Variants in MACROD2 observed in about 807,000 individuals in gnomAD.
MACROD2 encodes ADP-ribose glycohydrolase MACROD2.
A neutral mutation model predicts 70.4 loss-of-function variants in MACROD2; 36 were observed. The observed-to-expected ratio is 0.51, with a 90% CI of 0.39 to 0.68. MACROD2 has a LOEUF of 0.68. Ranked by LOEUF, MACROD2 falls within the 30% of genes least tolerant of loss-of-function variation. MACROD2 has a pLI of 0.00. For synonymous variants in MACROD2, 172 were observed against 178.8 expected, an observed-to-expected ratio of 0.96 and a Z score of 0.30; for missense variants, 496 against 538.4, an observed-to-expected ratio of 0.92 and a Z score of 0.78.
chr20:14,596,720 T>C (rs186528674), intron 4 of MACROD2, among the ~76,000 whole-genome samples: 196 of 152,248 alleles, frequency 1.3e-3, no homozygotes, highest in African/African-American at 4.5e-3. Flanking sequence ...TTCCTTGATA[T>C]TACACCTGCT....
At position 15,986,782 on chromosome 20, in the gene MACROD2, C is replaced by CGA; in HGVS notation, c.1041_1042insGA (p.Ser348AspfsTer17). On this transcript the variant is annotated frameshift_variant, in exon 14 of 18. Coordinates refer to ENST00000684519, the MANE Select transcript of MACROD2 (RefSeq NM_001351661.2). LOFTEE classifies it high-confidence loss of function. The stretch of plus-strand genomic sequence containing the variant: ...TAAAAATTGAAACAGAATCGCAGAG[C>CGA]TCATATATGGAAACAGAAGGTACTG... 1 of 1,612,818 alleles carries CGA rather than the reference C, an allele frequency of 6.2e-7. No individual in the cohort carries two copies. The highest frequency in any genetic ancestry group is 1.7e-5 in the Admixed American group (1 of 59,978).
intron 5 of MACROD2, among the ~76,000 whole-genome samples, chr20:14,995,667 T>C (rs923575751): frequency 6.6e-6 from 1 of 151,866 alleles, no homozygotes; most frequent in Admixed American, 6.6e-5. Flanking sequence ...AGCTAAATAT[T>C]GACAAAACGT....
intron 5 of MACROD2, among the ~76,000 whole-genome samples, chr20:15,001,865 C>T (rs1194611302): frequency 6.6e-6 from 1 of 152,046 alleles, no homozygotes; most frequent in Admixed American, 6.6e-5. Context: ...CACTCCCTCT[C>T]ATCCTTTCCC....
intron 8 of MACROD2, among the ~76,000 whole-genome samples, chr20:15,861,453 T>C (rs1321117427): frequency 1.3e-5 from 2 of 152,188 alleles, no homozygotes; most frequent in African/African-American, 4.8e-5. Context: ...GACACGAAAG[T>C]GAACACAAGA....
intron 8 of MACROD2, among the ~76,000 whole-genome samples, chr20:15,779,056 A>G (rs2051784712): frequency 6.6e-6 from 1 of 152,094 alleles, no homozygotes; most frequent in Admixed American, 6.5e-5. Context: ...ACAGAGACTA[A>G]CAATGATAAT....
chr20:15,068,175 C>T (rs1169870196), intron 5 of MACROD2, among the ~76,000 whole-genome samples: 1 of 152,036 alleles, frequency 6.6e-6, no homozygotes, highest in Admixed American at 6.5e-5. Flanking sequence ...TAATATCATG[C>T]ATTTTTTCAT....
chr20:14,081,074 G>A (rs558047362), intron 2 of MACROD2, among the ~76,000 whole-genome samples: 1 of 152,148 alleles, frequency 6.6e-6, no homozygotes, highest in Non-Finnish European at 1.5e-5. Context: ...GCGTAGCCCA[G>A]TTTCAGCAAG....
At chr20:16,008,618 T>C (rs989792266) in intron 15 of MACROD2, among the ~76,000 whole-genome samples, 36 of 152,174 alleles carry the variant, frequency 2.4e-4, no homozygotes, top group Non-Finnish European at 5.9e-5. Flanking sequence ...GGGATCATAA[T>C]AGCACCTACC....
intron 3 of MACROD2, among the ~76,000 whole-genome samples, chr20:14,298,085 A>T (rs890995809): frequency 2.6e-5 from 4 of 151,924 alleles, no homozygotes; most frequent in Non-Finnish European, 5.9e-5. Context: ...TAAGTCCTCT[A>T]TTGAGACCTA....
intron 4 of MACROD2, among the ~76,000 whole-genome samples, chr20:14,584,726 C>T (rs1204031618): frequency 6.6e-6 from 1 of 152,020 alleles, no homozygotes; most frequent in Non-Finnish European, 1.5e-5. Context: ...TCTTTTTAGC[C>T]TTCTTTTATA....
At chr20:14,116,736 G>A (rs994861447) in intron 3 of MACROD2, among the ~76,000 whole-genome samples, 2 of 151,970 alleles carry the variant, frequency 1.3e-5, no homozygotes, top group Non-Finnish European at 2.9e-5. Flanking sequence ...CAGATTTGAT[G>A]TGTTATACTG....
At chr20:14,647,701 C>T (rs914495101) in intron 4 of MACROD2, among the ~76,000 whole-genome samples, 1 of 152,038 alleles carries the variant, frequency 6.6e-6, no homozygotes, top group Non-Finnish European at 1.5e-5. Context: ...GACAAACATC[C>T]TCTTTAATAG....
intron 8 of MACROD2, among the ~76,000 whole-genome samples, chr20:15,842,241 C>G (rs1017414510): frequency 1.3e-5 from 2 of 152,030 alleles, no homozygotes; most frequent in Admixed American, 1.3e-4. Context: ...GCTGGACCTA[C>G]AGGTGCATGC....
At chr20:14,306,413 A>T (rs1234105024) in intron 3 of MACROD2, among the ~76,000 whole-genome samples, 1 of 152,058 alleles carries the variant, frequency 6.6e-6, no homozygotes, top group Non-Finnish European at 1.5e-5. Context: ...GTTGTTGCTG[A>T]TCAATTTTAG....
chr20:14,955,113 T>G (rs1164540891), intron 5 of MACROD2, among the ~76,000 whole-genome samples: 2 of 14,402 alleles, frequency 1.4e-4, no homozygotes, highest in African/African-American at 4.6e-4. Context: ...ATTTATATTA[T>G]ATATAACTTA....
chr20:15,092,293 A>C (rs1190758852), intron 5 of MACROD2, among the ~76,000 whole-genome samples: 3 of 151,532 alleles, frequency 2.0e-5, no homozygotes, highest in South Asian at 4.1e-4. Context: ...TTTATGCACA[A>C]ACTGACAAGT....
intron 4 of MACROD2, among the ~76,000 whole-genome samples, chr20:14,615,971 A>G (rs1983455816): frequency 6.6e-6 from 1 of 152,108 alleles, no homozygotes; most frequent in African/African-American, 2.4e-5. Flanking sequence ...TAGCCTAGTG[A>G]AGAGAGGCAC....
intron 5 of MACROD2, among the ~76,000 whole-genome samples, chr20:15,058,471 C>T (rs1331442529): frequency 2.0e-5 from 3 of 152,114 alleles, no homozygotes; most frequent in Non-Finnish European, 1.5e-5. Context: ...AAGTACATCC[C>T]AAATAATGTA....
At chr20:14,293,674 G>A (rs1450178581) in intron 3 of MACROD2, among the ~76,000 whole-genome samples, 1 of 151,838 alleles carries the variant, frequency 6.6e-6, no homozygotes. Flanking sequence ...TCTTATTGCA[G>A]TGGGAAGCCA....
Sources: allele counts gnomAD v4.1 joint callset (sites outside exome capture counted in the v4.1 genomes callset), GRCh38; gene constraint gnomAD v4.1.1; transcripts MANE v1.5; gene names NCBI Gene and HGNC (gene_info 2026-07-23, HGNC 2026-07-21).